DHX34: variants seen among roughly 807,000 people sequenced by gnomAD.
DHX34 encodes the protein probable ATP-dependent RNA helicase DHX34.
DHX34 carries 96 observed loss-of-function variants against 111.1 expected under a neutral mutation model. That is an observed-to-expected ratio of 0.86 (90% CI 0.73 to 1.02). The LOEUF (loss-of-function observed/expected upper bound fraction) is 1.02. Ranked by LOEUF, DHX34 falls within the 50% of genes least tolerant of loss-of-function variation. The pLI is 0.00. For missense variants in DHX34, 1,560 were observed against 1,579.9 expected, an observed-to-expected ratio of 0.99 and a Z score of 0.21; for synonymous variants, 688 against 670.4, an observed-to-expected ratio of 1.03 and a Z score of -0.41.
intron 4 of DHX34, among the ~76,000 whole-genome samples, chr19:47,358,836 G>A (rs2463093): frequency 0.099 from 15,090 of 152,134 alleles, 1,039 homozygotes; most frequent in African/African-American, 0.19. Flanking sequence ...GGCTGGTCTC[G>A]AACTCCTGAC....
chr19:47,377,104 C>T lies in DHX34; in HGVS notation c.2604C>T (p.Asp868=), dbSNP rs1970189225. 1 of 1,613,984 alleles carries T rather than the reference C, an allele frequency of 6.2e-7. No homozygotes were observed. The highest frequency in any genetic ancestry group is 1.3e-5 in the African/African-American group (1 of 75,058). ...CGGTCCTCCTCAACCTTTCAGACGACAAGGACAAGATGAGCAGCAAACACC... is the reference window on the plus strand; with the variant it reads ...CGGTCCTCCTCAACCTTTCAGACGATAAGGACAAGATGAGCAGCAAACACC... ...EASNCDGSRD[D]KDKMSSKHQL... Residue 868 remains aspartate (D), a synonymous_variant, in exon 13 of 17, where the codon GAC becomes GAT. Transcript: ENST00000328771.
At chr19:47,363,249 C>T (rs938612419) in intron 6 of DHX34, among the ~76,000 whole-genome samples, 5 of 152,126 alleles carry the variant, frequency 3.3e-5, no homozygotes, top group East Asian at 3.9e-4. Context: ...CCACCGCGCC[C>T]GGCCTAACTT....
intron 1 of DHX34, among the ~76,000 whole-genome samples, chr19:47,349,710 G>C (rs375005695): frequency 6.6e-6 from 1 of 152,186 alleles, no homozygotes; most frequent in East Asian, 1.9e-4. Flanking sequence ...ACGAGGCCGA[G>C]AGGCGTGGTC....
intron 5 of DHX34, among the ~76,000 whole-genome samples, chr19:47,361,458 A>C (rs983180177): frequency 1.3e-5 from 2 of 148,828 alleles, no homozygotes; most frequent in African/African-American, 5.0e-5. Context: ...ACCCTGTTTA[A>C]AAAAAAAAGA....
At chr19:47,360,146 G>T in intron 5 of DHX34, 76 bp downstream of exon 5, 2 of 1,391,476 alleles carry the variant, frequency 1.4e-6, no homozygotes, top group Non-Finnish European at 2.0e-6. Context: ...TGCGTGTGTG[G>T]CAGGGGCGCA....
Position 47,376,480 on chromosome 19 carries a change from A to G in DHX34, c.2519A>G (p.His840Arg). The change falls in exon 12 of 17, where the codon CAC (histidine) becomes CGC (arginine). Residue 840 changes from histidine to arginine, a missense_variant. Transcript: ENST00000328771. ...HTQAKQGAVLHPTCVFAGSPE... is the reference protein window; with the variant it reads ...HTQAKQGAVLRPTCVFAGSPE... ...CAGGCCAAGCAGGGCGCCGTGCTGCACCCCACCTGCGTCTTCGCTGGCAGC... is the reference window on the plus strand; with the variant it reads ...CAGGCCAAGCAGGGCGCCGTGCTGCGCCCCACCTGCGTCTTCGCTGGCAGC... The G allele has an allele frequency of 6.2e-7, 1 of 1,610,134 alleles. No individual in the cohort carries two copies. The highest frequency in any genetic ancestry group is 8.5e-7 in the Non-Finnish European group (1 of 1,178,668).
chr19:47,353,324 CACTT>C lies in DHX34; in HGVS notation c.297_300del (p.Tyr100ThrfsTer75), dbSNP rs2122213060. 2 of 1,614,198 alleles carry C rather than the reference CACTT, an allele frequency of 1.2e-6. No individual in the cohort carries two copies. The highest frequency in any genetic ancestry group is 4.5e-5 in the East Asian group (2 of 44,886). On this transcript the variant is annotated frameshift_variant, in exon 2 of 17. Coordinates refer to ENST00000328771, the MANE Select transcript of DHX34 (RefSeq NM_014681.6). LOFTEE classifies it high-confidence loss of function. The surrounding 1 kb of genome is among the most constrained non-coding windows in gnomAD (Gnocchi z 4.6). ...TCCCAGCGCTGGCCGACCTACCTCGCACTTACGACCCACGTTACCGCATCAACCT... is the reference window on the plus strand; with the variant it reads ...TCCCAGCGCTGGCCGACCTACCTCGCACGACCCACGTTACCGCATCAACCT...
chr19:47,365,286 C>G (rs1199181077), intron 6 of DHX34, among the ~76,000 whole-genome samples: 5 of 152,022 alleles, frequency 3.3e-5, no homozygotes, highest in Non-Finnish European at 7.4e-5. Context: ...GAGTCTCACT[C>G]TGTCGCCCAG....
intron 1 of DHX34, 137 bp downstream of exon 1, chr19:47,349,489 C>T (rs1234443754): frequency 6.6e-6 from 1 of 152,102 alleles, no homozygotes; most frequent in Non-Finnish European, 1.5e-5. Context: ...AGGAGGCAGC[C>T]GAAGGGCCGG....
chr19:47,355,056 C>T lies in DHX34; in HGVS notation c.723C>T (p.Arg241=), dbSNP rs1969410916. ...CACCCCAGGTCGGCTACCAGATCCG[C>T]TTTGAGAGCACACGTTCGGCGGCCA... is the stretch of plus-strand genomic sequence containing the variant. ...QYGSQVGYQI[R]FESTRSAATK... The change falls in exon 3 of 17, where the codon CGC becomes CGT. Residue 241 remains arginine, a synonymous_variant. Coordinates refer to ENST00000328771, the MANE Select transcript of DHX34 (RefSeq NM_014681.6). 2 of 1,613,948 alleles carry T rather than the reference C, an allele frequency of 1.2e-6. No homozygotes were observed. The highest frequency in any genetic ancestry group is 1.7e-6 in the Non-Finnish European group (2 of 1,179,968).
chr19:47,357,743 AC>A, intron 3 of DHX34, 122 bp from the exon 4 acceptor site: 1 of 1,449,310 alleles, frequency 6.9e-7, no homozygotes, highest in Non-Finnish European at 9.1e-7. Flanking sequence ...ACCAGCCTGG[AC>A]CCGTTGCACT....
rs1599769613 is a variant in DHX34 at position 47,372,827 on chromosome 19, C to T, written c.1866C>T (p.Ala622=). ...LSVQSPFTRS[A]QSSPECAAAR... ...TCCAGTCGCCCTTCACCCGCAGCGCCCAGAGCAGCCCAGAGTGCGCGGCAG... is the reference window on the plus strand; with the variant it reads ...TCCAGTCGCCCTTCACCCGCAGCGCTCAGAGCAGCCCAGAGTGCGCGGCAG... Residue 622 remains alanine (A), a synonymous_variant, in exon 8 of 17, where the codon GCC becomes GCT. Coordinates refer to ENST00000328771, the MANE Select transcript of DHX34 (RefSeq NM_014681.6). 6.8e-6 allele frequency: 11 copies of T among 1,612,922 alleles called. No homozygotes were observed. The highest frequency in any genetic ancestry group is 2.2e-5 in the East Asian group (1 of 44,882).
chr19:47,367,242 C>G (rs546714149), intron 7 of DHX34, 87 bp downstream of exon 7: 85 of 1,290,246 alleles, frequency 6.6e-5, no homozygotes, highest in Non-Finnish European at 8.2e-5. Flanking sequence ...GGGGGCAAGT[C>G]TGTTTCTTCC....
chr19:47,367,904 A>AAG (rs978213423), intron 7 of DHX34, among the ~76,000 whole-genome samples: 3 of 148,274 alleles, frequency 2.0e-5, no homozygotes, highest in African/African-American at 7.6e-5. Flanking sequence ...TCAAAAAAAA[A>AAG]AAAAAAAAAA....
intron 14 of DHX34, chr19:47,380,612 C>T (rs1970321475): frequency 1.0e-6 from 1 of 982,126 alleles, no homozygotes; most frequent in Non-Finnish European, 1.2e-6. Context: ...CTGGGGAGGG[C>T]AATTTAGATG....
rs192395052 is a variant in DHX34, at chr19:47,377,647, G to C, written c.2706+441G>C. ...TCGGGGCAGAGTGTTCCAGGCAGTG[G>C]GGTGGCCTGCACAGAGGCTCCGAGG... On this transcript the variant is annotated intron_variant, in intron 13 of 16. Transcript: ENST00000328771. Among the ~76,000 whole-genome samples the C allele has an allele frequency of 7.8e-5, 7 of 89,570 alleles. No individual in the cohort carries two copies. In the Admixed American group the frequency reaches 8.0e-4, roughly 10 times the overall value. 58.8% of individuals were successfully genotyped at this position (89,570 alleles called of 152,430 possible). A position where few individuals can be genotyped will look rare whatever the true frequency, so the allele number is the denominator to read the frequency against.
chr19:47,359,002 C>T (rs1222133549), intron 4 of DHX34, among the ~76,000 whole-genome samples: 2 of 152,198 alleles, frequency 1.3e-5, no homozygotes, highest in Admixed American at 6.5e-5. Context: ...TCAAGCGATC[C>T]TCCCCTAGTG....
Position 47,375,577 on chromosome 19 carries a change from C to T in DHX34, c.2176C>T (p.Arg726Cys), listed in dbSNP as rs375561964. The change falls in exon 10 of 17, where the codon CGC becomes TGC. Residue 726 changes from arginine (R) to cysteine (C), a missense_variant. Coordinates refer to ENST00000328771, the MANE Select transcript of DHX34 (RefSeq NM_014681.6). ...GCGCCGGGCCCTGCACCAGCTGAAACGCCAGCACGAGGAGGGCGCGGGGCG... is the reference window on the plus strand; with the variant it reads ...GCGCCGGGCCCTGCACCAGCTGAAATGCCAGCACGAGGAGGGCGCGGGGCG... ...RERRALHQLK[R>C]QHEEGAGRRR... The T allele has an allele frequency of 3.9e-5, 61 of 1,546,708 alleles. No individual in the cohort carries two copies. The highest frequency in any genetic ancestry group is 5.1e-5 in the Non-Finnish European group (59 of 1,150,212).
intron 5 of DHX34, 98 bp downstream of exon 5, chr19:47,360,168 T>TG (rs1396683426): frequency 4.3e-6 from 5 of 1,149,692 alleles, no homozygotes; most frequent in Non-Finnish European, 6.5e-6. Context: ...CAGCTTGGAT[T>TG]GGGAAGTACA....
Sources: gnomAD v4.1 joint callset for allele counts (sites outside exome capture counted in the v4.1 genomes callset) on GRCh38, gnomAD v4.1.1 for gene constraint, Gnocchi (gnomAD v3.1) non-coding constraint, MANE v1.5 for transcripts, NCBI Gene and HGNC (gene_info 2026-07-23, HGNC 2026-07-21) for gene names.